Variants in SDK2 observed in about 807,000 individuals in gnomAD.
The protein encoded by SDK2 is sidekick cell adhesion molecule 2, also known as protein sidekick-2.
In SDK2, 105 loss-of-function variants were observed where a neutral mutation model predicts 253.9. The ratio of observed to expected loss-of-function variants is 0.41; its 90% confidence interval spans 0.35 to 0.49. The LOEUF (loss-of-function observed/expected upper bound fraction) is 0.49. Among genes scored for constraint, SDK2 ranks in the 20% least tolerant of loss-of-function variants. SDK2 has a pLI of 0.06. For synonymous variants in SDK2, 1,249 were observed against 1,234.9 expected (o/e 1.01, Z -0.24); for missense variants, 2,608 against 3,003.0 (o/e 0.87, Z 3.07).
rs376858097 is a variant in SDK2 at position 73,409,147 on chromosome 17, T to A, written c.2484+5497A>T. ...ATGGGGATACAGGTGTTCACTGCAG[T>A]CTTTCCTCTACTTGGGTGGATGTTT... On this transcript the variant is annotated intron_variant, in intron 18 of 44. Coordinates refer to ENST00000392650, the MANE Select transcript of SDK2 (RefSeq NM_001144952.2). Among the ~76,000 whole-genome samples the A allele has an allele frequency of 3.0e-4, 45 of 152,240 alleles. No homozygotes were observed. The South Asian group carries it at 5.4e-3, about 18-fold the overall frequency.
At chr17:73,464,136 A>G (rs2063582207) in intron 3 of SDK2, among the ~76,000 whole-genome samples, 1 of 152,172 alleles carries the variant, frequency 6.6e-6, no homozygotes, top group African/African-American at 2.4e-5. Flanking sequence ...TCGACCACCC[A>G]TGACTTCTCT....
At position 73,467,721 on chromosome 17, in the gene SDK2, G is replaced by A. The variant is rs900422125; in HGVS notation, c.331+4391C>T. 6.6e-6 allele frequency among the ~76,000 whole-genome samples: 1 copy of A among 152,202 alleles called. No individual in the cohort carries two copies. The highest frequency in any genetic ancestry group is 2.4e-5 in the African/African-American group (1 of 41,452). ...GTCAGGAACTGCGTTCTTCTCAAGG[G>A]TCGGAAGGACTTCCTAGGGCTTTTC... On this transcript the variant is annotated intron_variant, in intron 3 of 44. Transcript: ENST00000392650. This position sits in a 1 kb window ranked among gnomAD's most constrained non-coding sequence, Gnocchi z 4.1.
At chr17:73,411,334 C>T (rs549872082) in intron 18 of SDK2, among the ~76,000 whole-genome samples, 4 of 152,206 alleles carry the variant, frequency 2.6e-5, no homozygotes, top group South Asian at 2.1e-4. Context: ...GAGGAAGAAC[C>T]GCTAAGGCAG....
intron 2 of SDK2, among the ~76,000 whole-genome samples, chr17:73,478,831 A>G (rs2063703562): frequency 6.6e-6 from 1 of 152,124 alleles, no homozygotes; most frequent in South Asian, 2.1e-4. Flanking sequence ...TAATAGGCAC[A>G]CTCTCCTTGT....
At chr17:73,427,621 G>A (rs1475025585) in intron 12 of SDK2, among the ~76,000 whole-genome samples, 2 of 113,200 alleles carry the variant, frequency 1.8e-5, no homozygotes, top group Non-Finnish European at 3.6e-5. Flanking sequence ...AACAGTGCTG[G>A]AAAACCTTGA....
intron 1 of SDK2, among the ~76,000 whole-genome samples, chr17:73,568,106 TG>T (rs1241017609): frequency 1.3e-5 from 2 of 152,160 alleles, no homozygotes; most frequent in Admixed American, 1.3e-4. Flanking sequence ...ATGTTAGAAA[TG>T]GGGCCTGGGG....
chr17:73,358,918 A>G (rs1156494692), intron 39 of SDK2, among the ~76,000 whole-genome samples: 1 of 151,910 alleles, frequency 6.6e-6, no homozygotes, highest in Non-Finnish European at 1.5e-5. Context: ...TGGGCCAGTG[A>G]GGGAGCCGGC....
At chr17:73,424,964 A>G (rs771081129) in intron 12 of SDK2, among the ~76,000 whole-genome samples, 121 of 152,352 alleles carry the variant, frequency 7.9e-4, no homozygotes, top group Admixed American at 2.0e-3. Context: ...TCACACCGGT[A>G]ATCCCAGCAC....
chr17:73,407,754 C>T (rs566488000), intron 18 of SDK2, among the ~76,000 whole-genome samples: 49 of 152,036 alleles, frequency 3.2e-4, no homozygotes, highest in African/African-American at 1.1e-3. Flanking sequence ...ATTCATTATA[C>T]GAAAAATTTG....
At chr17:73,470,740 G>A (rs1265636427) in intron 3 of SDK2, among the ~76,000 whole-genome samples, 1 of 152,136 alleles carries the variant, frequency 6.6e-6, no homozygotes, top group Admixed American at 6.5e-5. Context: ...TTCTCTTTAA[G>A]TAGCAAGCTC....
intron 1 of SDK2, among the ~76,000 whole-genome samples, chr17:73,552,050 G>A (rs570284138): frequency 2.8e-4 from 42 of 152,240 alleles, no homozygotes; most frequent in Non-Finnish European, 5.3e-4. Flanking sequence ...GGCAGGTGCC[G>A]CTGCAGTCCC....
At chr17:73,551,436 C>T (rs757128190) in intron 1 of SDK2, among the ~76,000 whole-genome samples, 10 of 152,310 alleles carry the variant, frequency 6.6e-5, no homozygotes, top group Non-Finnish European at 1.0e-4. Flanking sequence ...CCAGGAGCCT[C>T]GCAGCTCCTG....
chr17:73,477,364 G>A (rs769754969), intron 2 of SDK2, among the ~76,000 whole-genome samples: 6 of 152,136 alleles, frequency 3.9e-5, no homozygotes, highest in Non-Finnish European at 7.3e-5. Context: ...CAGCAGGGCC[G>A]GAGCTGAAGG....
intron 4 of SDK2, among the ~76,000 whole-genome samples, chr17:73,451,021 G>A (rs1404570930): frequency 6.6e-6 from 1 of 152,256 alleles, no homozygotes; most frequent in Non-Finnish European, 1.5e-5. Flanking sequence ...TTGCATCTCT[G>A]CTTGCATCCA....
chr17:73,366,873 C>T (rs1332479193), intron 37 of SDK2, among the ~76,000 whole-genome samples: 6 of 152,166 alleles, frequency 3.9e-5, no homozygotes, highest in Admixed American at 6.5e-5. Context: ...CCGATCTCCC[C>T]TCCCTGCCTC....
At chr17:73,380,350 G>A (rs2062820330) in intron 34 of SDK2, among the ~76,000 whole-genome samples, 1 of 152,162 alleles carries the variant, frequency 6.6e-6, no homozygotes, top group South Asian at 2.1e-4. Context: ...TCTTGCCTAA[G>A]GCCCTGGGTT....
intron 36 of SDK2, among the ~76,000 whole-genome samples, chr17:73,371,755 T>C (rs1188800987): frequency 6.6e-6 from 1 of 151,410 alleles, no homozygotes; most frequent in Non-Finnish European, 1.5e-5. Flanking sequence ...AGGTCAGGAG[T>C]TTGAGACCAG....
chr17:73,476,249 G>T (rs2063685122), intron 2 of SDK2, among the ~76,000 whole-genome samples: 1 of 152,186 alleles, frequency 6.6e-6, no homozygotes, highest in Admixed American at 6.5e-5. Context: ...TCTGTGTATT[G>T]TGTGTATACA....
At chr17:73,453,917 G>T (rs1002915854) in intron 4 of SDK2, among the ~76,000 whole-genome samples, 1 of 152,080 alleles carries the variant, frequency 6.6e-6, no homozygotes, top group South Asian at 2.1e-4. Flanking sequence ...TATGATGCTG[G>T]TTCTATAAGA....
Sources: gnomAD v4.1 joint callset for allele counts (sites outside exome capture counted in the v4.1 genomes callset) on GRCh38, gnomAD v4.1.1 for gene constraint, Gnocchi (gnomAD v3.1) non-coding constraint, MANE v1.5 for transcripts, NCBI Gene and HGNC (gene_info 2026-07-23, HGNC 2026-07-21) for gene names.